The following PPTC7 variants were observed in gnomAD, a reference collection of about 807,000 sequenced individuals.
PPTC7 encodes the protein protein phosphatase targeting COQ7.
A neutral mutation model predicts 30.8 loss-of-function variants in PPTC7; 6 were observed. The ratio of observed to expected loss-of-function variants is 0.19; its 90% CI spans 0.11 to 0.38. PPTC7 has a LOEUF of 0.38. Among genes scored for constraint, PPTC7 ranks in the 10% least tolerant of loss-of-function variants. The pLI, the probability that PPTC7 is intolerant of heterozygous loss-of-function variation, is 1.00. For synonymous variants in PPTC7, 163 were observed against 168.1 expected, an observed-to-expected ratio of 0.97 and a Z score of 0.23; for missense variants, 218 against 404.8, an observed-to-expected ratio of 0.54 and a Z score of 3.96.
intron 1 of PPTC7, among the ~76,000 whole-genome samples, chr12:110,567,895 C>T (rs2064498425): frequency 6.6e-6 from 1 of 152,182 alleles, no homozygotes; most frequent in African/African-American, 2.4e-5. Context: ...TCACTGTGCA[C>T]TCTTGAATTC....
intron 1 of PPTC7, 144 bp downstream of exon 1, chr12:110,582,665 C>T: frequency 1.4e-6 from 1 of 695,036 alleles, no homozygotes; most frequent in Non-Finnish European, 2.3e-6. Context: ...GCGCTTGGCA[C>T]GGCGCCTGGC....
At chr12:110,538,074 C>G in intron 5 of PPTC7, 70 bp downstream of exon 5, 2 of 1,545,978 alleles carry the variant, frequency 1.3e-6, no homozygotes, top group Non-Finnish European at 1.8e-6. Context: ...TCACCCAGAG[C>G]CCAGAATGCT....
chr12:110,568,156 G>A (rs934942011), intron 1 of PPTC7, among the ~76,000 whole-genome samples: 1 of 151,942 alleles, frequency 6.6e-6, no homozygotes, highest in Non-Finnish European at 1.5e-5. Flanking sequence ...CCTTTGCTGA[G>A]CCCTCAATCT....
At chr12:110,553,439 C>T (rs1039066875) in intron 1 of PPTC7, among the ~76,000 whole-genome samples, 1 of 152,044 alleles carries the variant, frequency 6.6e-6, no homozygotes, top group East Asian at 2.0e-4. Context: ...CCACTGCGCC[C>T]GGCCCCCAAA....
At chr12:110,581,337 C>T (rs2064635518) in intron 1 of PPTC7, among the ~76,000 whole-genome samples, 1 of 151,664 alleles carries the variant, frequency 6.6e-6, no homozygotes. Context: ...TCGCTTGAAC[C>T]GGGGAGGCGG....
intron 5 of PPTC7, among the ~76,000 whole-genome samples, 162 bp from the exon 6 acceptor site, chr12:110,537,257 AAAC>A (rs1454130875): frequency 2.0e-5 from 3 of 152,206 alleles, no homozygotes; most frequent in Non-Finnish European, 2.9e-5. Flanking sequence ...GATTAAAAAA[AAAC>A]AGTTAAACAA....
At chr12:110,539,998 T>C (rs2064245593) in intron 3 of PPTC7, 53 bp from the exon 4 acceptor site, 7 of 1,562,466 alleles carry the variant, frequency 4.5e-6, no homozygotes, top group Non-Finnish European at 6.1e-6. Context: ...TACAGATGAG[T>C]TGAAAATGTC....
intron 1 of PPTC7, among the ~76,000 whole-genome samples, chr12:110,571,062 T>C (rs550352387): frequency 2.6e-5 from 4 of 152,388 alleles, no homozygotes; most frequent in South Asian, 4.1e-4. Context: ...AGCGTGGTCA[T>C]TGAGGACAAG....
intron 3 of PPTC7, among the ~76,000 whole-genome samples, chr12:110,544,284 A>G (rs1347449192): frequency 6.6e-6 from 1 of 152,242 alleles, no homozygotes; most frequent in East Asian, 1.9e-4. Flanking sequence ...AAAAGATGGC[A>G]ATAATAATTC....
chr12:110,546,611 C>A (rs1472134563), intron 2 of PPTC7: 1 of 160,002 alleles, frequency 6.2e-6, no homozygotes, highest in Non-Finnish European at 1.4e-5. Context: ...ATGACTCACT[C>A]ACTATGAGGT....
intron 3 of PPTC7, among the ~76,000 whole-genome samples, chr12:110,543,170 AAACT>A (rs2064276715): frequency 6.6e-6 from 1 of 152,206 alleles, no homozygotes; most frequent in Non-Finnish European, 1.5e-5. Context: ...GAAAGCATAA[AAACT>A]AACAAACAAA....
intron 3 of PPTC7, among the ~76,000 whole-genome samples, chr12:110,544,880 A>C (rs2064292846): frequency 6.6e-6 from 1 of 152,198 alleles, no homozygotes; most frequent in Admixed American, 6.5e-5. Context: ...CGTTCTTGAC[A>C]ATTTAAAAGT....
chr12:110,571,216 A>AT (rs2064533583), intron 1 of PPTC7, among the ~76,000 whole-genome samples: 1 of 152,126 alleles, frequency 6.6e-6, no homozygotes, highest in Non-Finnish European at 1.5e-5. Context: ...AAATTCTTTT[A>AT]AAAAGAGGGG....
intron 1 of PPTC7, among the ~76,000 whole-genome samples, chr12:110,567,306 A>G (rs1010885094): frequency 6.6e-6 from 1 of 152,194 alleles, no homozygotes; most frequent in Non-Finnish European, 1.5e-5. Context: ...TAGGCCTCTC[A>G]GCACAGGCGA....
intron 1 of PPTC7, among the ~76,000 whole-genome samples, chr12:110,575,939 T>C (rs922874126): frequency 5.3e-5 from 8 of 152,086 alleles, no homozygotes; most frequent in South Asian, 4.1e-4. Flanking sequence ...CACACCTATA[T>C]AGCAAAATGA....
rs907811943 is a variant in PPTC7 at position 110,569,202 on chromosome 12, G to A, written c.223+13607C>T. ...ACAAAAATTAGCCGGGCATGGTGGC[G>A]GGCACCTGTAATCCCAGCTACACGG... On this transcript the variant is annotated intron_variant, in intron 1 of 5. Transcript: ENST00000354300. 2.2e-4 allele frequency among the ~76,000 whole-genome samples: 34 copies of A among 151,710 alleles called. 1 individual carries two copies. The highest frequency in any genetic ancestry group is 1.8e-3 in the Admixed American group (27 of 15,200).
chr12:110,545,373 G>A (rs960679167), intron 3 of PPTC7, among the ~76,000 whole-genome samples: 6 of 152,180 alleles, frequency 3.9e-5, no homozygotes, highest in Non-Finnish European at 8.8e-5. Flanking sequence ...GATTACAGGC[G>A]TGAGTCACCG....
At chr12:110,542,299 T>TA (rs796226807) in intron 3 of PPTC7, among the ~76,000 whole-genome samples, 1,843 of 141,844 alleles carry the variant, frequency 0.013, 35 homozygotes, top group Middle Eastern at 0.043. Context: ...ACCATTTCCG[T>TA]AAAAAAAAAA....
chr12:110,577,546 T>G (rs1355807152), intron 1 of PPTC7, among the ~76,000 whole-genome samples: 1 of 152,190 alleles, frequency 6.6e-6, no homozygotes, highest in Non-Finnish European at 1.5e-5. Flanking sequence ...TCCATTCACT[T>G]CCTAAATATA....
Sources: allele counts gnomAD v4.1 joint callset (sites outside exome capture counted in the v4.1 genomes callset), GRCh38; gene constraint gnomAD v4.1.1; transcripts MANE v1.5; gene names NCBI Gene and HGNC (gene_info 2026-07-23, HGNC 2026-07-21).